Variants in ROBO2 observed in about 807,000 individuals in gnomAD.
ROBO2 encodes the protein roundabout homolog 2.
Under a neutral mutation model 160.8 loss-of-function variants are expected in ROBO2, and 53 were observed. That is an observed-to-expected ratio of 0.33 (90% confidence interval 0.26 to 0.41). The LOEUF (loss-of-function observed/expected upper bound fraction) is 0.41. ROBO2 is among the 10% of genes least tolerant of loss of function. ROBO2 has a pLI of 1.00. For missense variants in ROBO2, 1,577 were observed against 1,722.4 expected, an observed-to-expected ratio of 0.92 and a Z score of 1.49; for synonymous variants, 664 against 611.7, an observed-to-expected ratio of 1.09 and a Z score of -1.26.
intron 2 of ROBO2, among the ~76,000 whole-genome samples, chr3:76,504,258 T>G (rs1358138527): frequency 6.6e-6 from 1 of 152,202 alleles, no homozygotes; most frequent in African/African-American, 2.4e-5. Flanking sequence ...AGTTGTACAC[T>G]TTCATGAGTG....
chr3:76,767,676 T>C (rs1206079831), intron 2 of ROBO2, among the ~76,000 whole-genome samples: 1 of 151,580 alleles, frequency 6.6e-6, no homozygotes, highest in Non-Finnish European at 1.5e-5. Flanking sequence ...AGTGTAATGC[T>C]GTACTCTTTT....
At chr3:76,185,053 T>C (rs969404329) in intron 2 of ROBO2, among the ~76,000 whole-genome samples, 1 of 151,572 alleles carries the variant, frequency 6.6e-6, no homozygotes, top group Non-Finnish European at 1.5e-5. Flanking sequence ...GATTTCTAGA[T>C]ATTTCTTCAT....
chr3:77,161,954 A>G (rs1294404196), intron 2 of ROBO2, among the ~76,000 whole-genome samples: 1 of 152,182 alleles, frequency 6.6e-6, no homozygotes, highest in Non-Finnish European at 1.5e-5. Context: ...TAATGTACCC[A>G]CAATATTTCT....
At chr3:76,228,462 C>T (rs1312611833) in intron 2 of ROBO2, among the ~76,000 whole-genome samples, 2 of 6,828 alleles carry the variant, frequency 2.9e-4, no homozygotes, top group Admixed American at 2.5e-3. Flanking sequence ...TAGCAAATTA[C>T]AGACAGACAG....
At chr3:76,649,445 G>C (rs988572427) in intron 2 of ROBO2, among the ~76,000 whole-genome samples, 2 of 152,020 alleles carry the variant, frequency 1.3e-5, no homozygotes, top group East Asian at 3.9e-4. Flanking sequence ...TTCAGGTGTT[G>C]TTGCTGGTTT....
intron 2 of ROBO2, among the ~76,000 whole-genome samples, chr3:76,087,224 A>T (rs1455063281): frequency 6.6e-6 from 1 of 152,076 alleles, no homozygotes. Context: ...ATTATACTCA[A>T]ACTTCAGAAA....
At chr3:77,324,787 G>GA (rs34331921) in intron 2 of ROBO2, among the ~76,000 whole-genome samples, 19,659 of 96,732 alleles carry the variant, frequency 0.2, 1,557 homozygotes, top group Admixed American at 0.33. Flanking sequence ...GTCTCAAAAA[G>GA]AAAAAAAAAA....
At chr3:76,434,165 A>G in intron 2 of ROBO2, 1 of 1,162,432 alleles carries the variant, frequency 8.6e-7, no homozygotes, top group Non-Finnish European at 1.3e-6. Flanking sequence ...GTCCTGTGGC[A>G]GAGTATTTGA....
At chr3:77,368,560 T>C (rs1004278597) in intron 2 of ROBO2, among the ~76,000 whole-genome samples, 4 of 152,220 alleles carry the variant, frequency 2.6e-5, no homozygotes, top group African/African-American at 9.6e-5. Flanking sequence ...TTTAATGTTA[T>C]ACTTTTCTGA....
chr3:76,574,770 T>C (rs931850406), intron 2 of ROBO2, among the ~76,000 whole-genome samples: 3 of 152,128 alleles, frequency 2.0e-5, no homozygotes, highest in African/African-American at 7.2e-5. Context: ...GGGAATCTTG[T>C]TCCTGTGCAG....
At chr3:77,210,445 A>G (rs1421663704) in intron 2 of ROBO2, among the ~76,000 whole-genome samples, 1 of 152,174 alleles carries the variant, frequency 6.6e-6, no homozygotes, top group Non-Finnish European at 1.5e-5. Context: ...GTCATATAAC[A>G]ATACAATATA....
intron 4 of ROBO2, among the ~76,000 whole-genome samples, chr3:77,489,851 T>C (rs1436692514): frequency 1.3e-5 from 2 of 152,294 alleles, no homozygotes; most frequent in East Asian, 1.9e-4. Flanking sequence ...TTTGCTGCAA[T>C]GTATCCTAAA....
At chr3:76,379,082 G>A (rs569693688) in intron 2 of ROBO2, among the ~76,000 whole-genome samples, 9 of 152,250 alleles carry the variant, frequency 5.9e-5, no homozygotes, top group Middle Eastern at 3.4e-3. Flanking sequence ...ACAGAAATAG[G>A]AAGCACTGAC....
intron 2 of ROBO2, among the ~76,000 whole-genome samples, chr3:76,838,273 C>T (rs1470402454): frequency 6.6e-6 from 1 of 151,920 alleles, no homozygotes; most frequent in Admixed American, 6.6e-5. Flanking sequence ...AAAAGTTAAC[C>T]ATTGGGTATT....
intron 2 of ROBO2, among the ~76,000 whole-genome samples, chr3:77,266,247 C>G (rs908580940): frequency 1.3e-5 from 2 of 150,510 alleles, no homozygotes; most frequent in African/African-American, 2.4e-5. Context: ...TTTCAGAATC[C>G]TTCTCTATTC....
chr3:76,676,284 T>C (rs2092405940), intron 2 of ROBO2, among the ~76,000 whole-genome samples: 1 of 152,114 alleles, frequency 6.6e-6, no homozygotes, highest in Non-Finnish European at 1.5e-5. Flanking sequence ...GATGGTTTTG[T>C]AAAGGGTTTG....
chr3:77,483,329 T>C (rs1187040267), intron 4 of ROBO2, among the ~76,000 whole-genome samples: 1 of 152,060 alleles, frequency 6.6e-6, no homozygotes, highest in Non-Finnish European at 1.5e-5. Context: ...GAGAAACCCC[T>C]TCTGTATCTT....
At chr3:76,465,498 A>G (rs2078313099) in intron 2 of ROBO2, among the ~76,000 whole-genome samples, 1 of 152,034 alleles carries the variant, frequency 6.6e-6, no homozygotes, top group Admixed American at 6.6e-5. Context: ...TTACTGAAGC[A>G]CTGGATGATT....
intron 2 of ROBO2, among the ~76,000 whole-genome samples, chr3:76,057,477 A>G (rs1275505751): frequency 6.6e-6 from 1 of 152,174 alleles, no homozygotes; most frequent in Non-Finnish European, 1.5e-5. Flanking sequence ...AAACATGTTC[A>G]TGGTTGATAA....
Sources: gnomAD v4.1 joint callset for allele counts (sites outside exome capture counted in the v4.1 genomes callset) on GRCh38, gnomAD v4.1.1 for gene constraint, MANE v1.5 for transcripts, NCBI Gene and HGNC (gene_info 2026-07-23, HGNC 2026-07-21) for gene names.